Variants in KHDRBS2 observed in about 807,000 individuals in gnomAD.
KHDRBS2 encodes the protein KH domain-containing, RNA-binding, signal transduction-associated protein 2.
In KHDRBS2, 26 loss-of-function variants were observed where a neutral mutation model predicts 44.3. The observed-to-expected ratio is 0.59, with a 90% CI of 0.43 to 0.81. KHDRBS2 has a LOEUF of 0.81. Ranked by LOEUF, KHDRBS2 falls within the 40% of genes least tolerant of loss-of-function variation. KHDRBS2 has a pLI of 0.00. For synonymous variants in KHDRBS2, 194 were observed against 151.1 expected (o/e 1.28, Z -2.08); for missense variants, 476 against 433.1 (o/e 1.10, Z -0.88).
intron 6 of KHDRBS2, among the ~76,000 whole-genome samples, chr6:61,795,362 T>C (rs1259310940): frequency 6.6e-6 from 1 of 151,970 alleles, no homozygotes; most frequent in African/African-American, 2.4e-5. Context: ...AAGGGAGGCA[T>C]GTCAACTTAT....
chr6:61,558,061 CT>C, the KHDRBS2 span, among the ~76,000 whole-genome samples: 11 of 151,668 alleles, frequency 7.3e-5, no homozygotes, highest in East Asian at 1.9e-4. Flanking sequence ...AATTTTTAAT[CT>C]TTTTTTTAAA....
the KHDRBS2 span, among the ~76,000 whole-genome samples, chr6:61,567,422 C>A: frequency 6.6e-6 from 1 of 152,166 alleles, no homozygotes; most frequent in African/African-American, 2.4e-5. Context: ...TTGCTTCAGC[C>A]TATTCGTTTG....
intron 6 of KHDRBS2, among the ~76,000 whole-genome samples, chr6:61,774,640 G>T (rs1173254214): frequency 6.6e-6 from 1 of 152,104 alleles, no homozygotes; most frequent in African/African-American, 2.4e-5. Flanking sequence ...CTGAAATTGA[G>T]GCAATAATCA....
At chr6:61,578,733 G>T in the KHDRBS2 span, among the ~76,000 whole-genome samples, 1 of 152,010 alleles carries the variant, frequency 6.6e-6, no homozygotes, top group Admixed American at 6.6e-5. Context: ...GATTATAGTC[G>T]GATGCTTGGA....
chr6:61,613,751 T>TA, the KHDRBS2 span, among the ~76,000 whole-genome samples: 3 of 152,214 alleles, frequency 2.0e-5, no homozygotes, highest in Non-Finnish European at 4.4e-5. Flanking sequence ...GGAAAGCTGT[T>TA]ACTGTTCATA....
intron 6 of KHDRBS2, among the ~76,000 whole-genome samples, chr6:61,739,670 A>C (rs1187495220): frequency 6.6e-6 from 1 of 151,920 alleles, no homozygotes; most frequent in African/African-American, 2.4e-5. Context: ...ATAAGGAATA[A>C]AACAAAACGT....
chr6:61,854,445 T>A (rs558731079), intron 6 of KHDRBS2, among the ~76,000 whole-genome samples: 1 of 152,164 alleles, frequency 6.6e-6, no homozygotes, highest in African/African-American at 2.4e-5. Flanking sequence ...TTCTAATGAT[T>A]ACCTTGCCAA....
chr6:61,894,517 AT>A, intron 6 of KHDRBS2, 117 bp downstream of exon 6: 1 of 787,028 alleles, frequency 1.3e-6, no homozygotes, highest in Non-Finnish European at 2.0e-6. Flanking sequence ...TGTAAATGAC[AT>A]TCGTTTCTGC....
chr6:61,938,870 A>C (rs1811552120), intron 4 of KHDRBS2, among the ~76,000 whole-genome samples: 1 of 152,186 alleles, frequency 6.6e-6, no homozygotes, highest in Non-Finnish European at 1.5e-5. Flanking sequence ...TGCAAATATA[A>C]AGATGTTGCA....
rs1478516406 is a variant in KHDRBS2, at chr6:61,911,954, A to G, written c.484-10583T>C. Among the ~76,000 whole-genome samples, 3 of 152,204 alleles carry G rather than the reference A, an allele frequency of 2.0e-5. No individual in the cohort carries two copies. In the East Asian group the frequency reaches 5.8e-4, roughly 29 times the overall value. On this transcript the variant is annotated intron_variant, in intron 4 of 8. Coordinates refer to ENST00000281156, the MANE Select transcript of KHDRBS2 (RefSeq NM_152688.4). Reference sequence around the variant, plus strand: ...GAATATTTAATCATATTAGAATAGGATAGTCCTTAAAAACAATTATTGCGC... The same window carrying G: ...GAATATTTAATCATATTAGAATAGGGTAGTCCTTAAAAACAATTATTGCGC...
the KHDRBS2 span, among the ~76,000 whole-genome samples, chr6:61,585,872 A>G: frequency 1.3e-5 from 2 of 152,142 alleles, no homozygotes; most frequent in African/African-American, 4.8e-5. Flanking sequence ...CTGATATCCA[A>G]TTAATTCAAT....
At chr6:61,556,342 C>T in the KHDRBS2 span, among the ~76,000 whole-genome samples, 1 of 152,288 alleles carries the variant, frequency 6.6e-6, no homozygotes, top group African/African-American at 2.4e-5. Flanking sequence ...AGAAAAATCA[C>T]ATTTTTTTAA....
At chr6:62,264,343 A>T (rs1268468065) in intron 1 of KHDRBS2, among the ~76,000 whole-genome samples, 1 of 151,860 alleles carries the variant, frequency 6.6e-6, no homozygotes, top group African/African-American at 2.4e-5. Flanking sequence ...AATGCTTATT[A>T]CCTATTCCTT....
chr6:62,116,020 T>A (rs560844835), intron 2 of KHDRBS2, among the ~76,000 whole-genome samples: 1 of 152,050 alleles, frequency 6.6e-6, no homozygotes, highest in African/African-American at 2.4e-5. Flanking sequence ...TCAGAAATTA[T>A]GTTTATAGGT....
At chr6:61,760,260 A>G (rs1245833712) in intron 6 of KHDRBS2, among the ~76,000 whole-genome samples, 1 of 152,224 alleles carries the variant, frequency 6.6e-6, no homozygotes, top group Non-Finnish European at 1.5e-5. Flanking sequence ...CAAGTATAGA[A>G]ACAAAAGAAC....
At chr6:61,806,544 A>G (rs1308736619) in intron 6 of KHDRBS2, among the ~76,000 whole-genome samples, 1 of 152,200 alleles carries the variant, frequency 6.6e-6, no homozygotes, top group African/African-American at 2.4e-5. Flanking sequence ...CCCATTATAT[A>G]GGAGATAAGT....
intron 1 of KHDRBS2, among the ~76,000 whole-genome samples, chr6:62,210,185 T>C (rs931540581): frequency 1.3e-5 from 2 of 152,056 alleles, no homozygotes; most frequent in Admixed American, 6.6e-5. Flanking sequence ...GACCACCTAT[T>C]TTTTAGGTGG....
intron 2 of KHDRBS2, among the ~76,000 whole-genome samples, chr6:62,052,809 T>C (rs1462988030): frequency 6.6e-6 from 1 of 152,034 alleles, no homozygotes; most frequent in African/African-American, 2.4e-5. Flanking sequence ...GCTCAGGCAG[T>C]AATGGTAATG....
At chr6:62,028,645 T>C (rs1783803541) in intron 3 of KHDRBS2, among the ~76,000 whole-genome samples, 1 of 152,146 alleles carries the variant, frequency 6.6e-6, no homozygotes, top group Non-Finnish European at 1.5e-5. Flanking sequence ...TTTACAGTCT[T>C]GTGTTTTTTA....
Sources: allele counts gnomAD v4.1 joint callset (sites outside exome capture counted in the v4.1 genomes callset), GRCh38; gene constraint gnomAD v4.1.1; transcripts MANE v1.5; gene names NCBI Gene and HGNC (gene_info 2026-07-23, HGNC 2026-07-21).